The following DNAI2 variants were observed in gnomAD, a reference collection of about 807,000 sequenced individuals.
The protein encoded by DNAI2 is dynein, axonemal, intermediate polypeptide 2.
In DNAI2, 63 loss-of-function variants were observed where a neutral mutation model predicts 74.7. The observed-to-expected ratio is 0.84, with a 90% CI of 0.69 to 1.04. The LOEUF (loss-of-function observed/expected upper bound fraction) is 1.04. DNAI2 is among the 50% of genes least tolerant of loss of function. The pLI, the probability that DNAI2 is intolerant of heterozygous loss-of-function variation, is 0.00. For missense variants in DNAI2, 688 were observed against 803.2 expected (o/e 0.86, Z 1.73); for synonymous variants, 289 against 314.9 (o/e 0.92, Z 0.87).
Position 74,291,736 on chromosome 17 carries a change from A to G in DNAI2, c.724+603A>G, listed in dbSNP as rs892991453. ...TAGGGGCCGCCATAAAGGGATGATGAGAGCGTTGGGGAGCCCTATTTTGGG... is the reference window on the plus strand; with the variant it reads ...TAGGGGCCGCCATAAAGGGATGATGGGAGCGTTGGGGAGCCCTATTTTGGG... On this transcript the variant is annotated intron_variant, in intron 6 of 13. Transcript: ENST00000311014. 2.0e-5 allele frequency among the ~76,000 whole-genome samples: 3 copies of G among 152,348 alleles called. No homozygotes were observed. In the South Asian group the frequency reaches 6.2e-4, roughly 32 times the overall value.
rs750750518 is a variant in DNAI2, at chr17:74,301,072, G to A, written c.891G>A (p.Met297Ile). ...TCATGTGGTGGGACATCCGAAAGAT[G>A]AGCGAGCCCACTGAAGTTGTGATCT... ...GQVMWWDIRK[M>I]SEPTEVVILD... The change falls in exon 8 of 14, where the codon ATG becomes ATA. Residue 297 changes from methionine to isoleucine, a missense_variant. Met to Ile is a conservative substitution (Grantham distance 10). Transcript: ENST00000311014. The A allele has an allele frequency of 2.8e-5, 45 of 1,614,052 alleles. No homozygotes were observed. The Middle Eastern group carries it at 2.0e-3, about 71-fold the overall frequency.
At chr17:74,297,518 G>C (rs1177062346) in intron 6 of DNAI2, among the ~76,000 whole-genome samples, 1 of 151,312 alleles carries the variant, frequency 6.6e-6, no homozygotes, top group Non-Finnish European at 1.5e-5. Flanking sequence ...AGCCTCCCCA[G>C]AGGCTGGTGC....
intron 3 of DNAI2, among the ~76,000 whole-genome samples, 190 bp downstream of exon 3, chr17:74,285,391 G>A (rs1032949774): frequency 1.3e-5 from 2 of 152,134 alleles, no homozygotes; most frequent in African/African-American, 4.8e-5. Context: ...CAGACCAACA[G>A]GGAAGGCAGG....
intron 8 of DNAI2, among the ~76,000 whole-genome samples, chr17:74,302,574 A>G (rs920150588): frequency 2.6e-5 from 4 of 152,312 alleles, no homozygotes; most frequent in Non-Finnish European, 5.9e-5. Context: ...TCTCAAAAAA[A>G]AAACAAAGAA....
chr17:74,279,360 A>G (rs758405055), intron 1 of DNAI2, among the ~76,000 whole-genome samples: 1 of 152,178 alleles, frequency 6.6e-6, no homozygotes, highest in Non-Finnish European at 1.5e-5. Flanking sequence ...ACAAAGGATA[A>G]ATGCTTGAGG....
intron 11 of DNAI2, 148 bp downstream of exon 11, chr17:74,310,311 A>G: frequency 8.1e-7 from 1 of 1,231,144 alleles, no homozygotes; most frequent in Non-Finnish European, 1.1e-6. Flanking sequence ...TGGGCTCCAT[A>G]AATAGGTGTT....
At chr17:74,307,311 T>C in intron 9 of DNAI2, 1 of 456,196 alleles carries the variant, frequency 2.2e-6, no homozygotes, top group Non-Finnish European at 4.4e-6. Flanking sequence ...ACCTGTGTCG[T>C]AGAACCTGGG....
chr17:74,289,346 G>A (rs2051939971), intron 4 of DNAI2, among the ~76,000 whole-genome samples: 1 of 152,292 alleles, frequency 6.6e-6, no homozygotes, highest in Non-Finnish European at 1.5e-5. Flanking sequence ...AGGAAACATG[G>A]TAAAAACCTG....
At chr17:74,286,843 C>A in intron 3 of DNAI2, 134 bp from the exon 4 acceptor site, 1 of 1,144,342 alleles carries the variant, frequency 8.7e-7, no homozygotes, top group Non-Finnish European at 1.3e-6. Context: ...AAAATTCCTC[C>A]ATTGAAAGCA....
intron 9 of DNAI2, 125 bp downstream of exon 9, chr17:74,305,567 C>G (rs895202009): frequency 7.4e-6 from 6 of 807,622 alleles, no homozygotes; most frequent in Non-Finnish European, 1.2e-5. Flanking sequence ...TCCACAAACA[C>G]CCGAGCTCGT....
intron 5 of DNAI2, among the ~76,000 whole-genome samples, chr17:74,290,313 C>T (rs1217422203): frequency 1.3e-5 from 2 of 152,166 alleles, no homozygotes; most frequent in East Asian, 3.9e-4. Flanking sequence ...GAGACTCTAT[C>T]TCAACAGCAA....
At chr17:74,275,762 C>A (rs1454865643) in intron 1 of DNAI2, among the ~76,000 whole-genome samples, 1 of 151,924 alleles carries the variant, frequency 6.6e-6, no homozygotes, top group Non-Finnish European at 1.5e-5. Context: ...TGGTGGCATG[C>A]ACCAGTAGTC....
In DNAI2 at chr17:74,301,106, A is replaced by C. The variant is rs1429832421; in HGVS notation, c.925A>C (p.Thr309Pro). The C allele has an allele frequency of 6.2e-7, 1 of 1,614,064 alleles. No individual in the cohort carries two copies. Among genetic ancestry groups the C allele is most frequent in the Non-Finnish European group, 8.5e-7 (1 of 1,179,998 alleles). ...CACTGAAGTTGTGATCTTGGACATC[A>C]CCAAGAAGGAACAGTTGGAAAATGC... ...EPTEVVILDI[T>P]KKEQLENALG... is the part of the protein sequence containing the mutation. The change falls in exon 8 of 14, where the codon ACC (threonine) becomes CCC (proline). Residue 309 changes from threonine to proline, a missense_variant. Thr to Pro is a conservative substitution (Grantham distance 38, BLOSUM62 -1). Coordinates refer to ENST00000311014, the MANE Select transcript of DNAI2 (RefSeq NM_023036.6).
At chr17:74,309,209 G>C (rs1313097415) in intron 9 of DNAI2, 44 bp from the exon 10 acceptor site, 1 of 1,612,370 alleles carries the variant, frequency 6.2e-7, no homozygotes, top group Non-Finnish European at 8.5e-7. Context: ...CTGTGGCTCA[G>C]AAGCCTCTGT....
intron 6 of DNAI2, among the ~76,000 whole-genome samples, chr17:74,294,453 G>T (rs2052316942): frequency 6.6e-6 from 1 of 151,982 alleles, no homozygotes; most frequent in Non-Finnish European, 1.5e-5. Flanking sequence ...GGGACAACAG[G>T]TGCACGTCAC....
At position 74,299,731 on chromosome 17, in the gene DNAI2, C is replaced by A. The variant is rs954506062; in HGVS notation, c.738C>A (p.Thr246=). 6.2e-7 allele frequency: 1 copy of A among 1,613,554 alleles called. No individual in the cohort carries two copies. The highest frequency in any genetic ancestry group is 8.5e-7 in the Non-Finnish European group (1 of 1,180,030). The change falls in exon 7 of 14, where the codon ACC becomes ACA. Residue 246 remains threonine, a synonymous_variant. Coordinates refer to ENST00000311014, the MANE Select transcript of DNAI2 (RefSeq NM_023036.6). ...CTTCCTCACCAGCCTGCTGGGACAC[C>A]CGAAAGGGCAGCCTGGTGGCGGAGC... The part of the protein sequence containing the change: ...CYNGQIACWD[T]RKGSLVAELS...
chr17:74,309,382 C>G lies in DNAI2; in HGVS notation c.1341C>G (p.Ser447Arg). The G allele has an allele frequency of 6.2e-7, 1 of 1,614,188 alleles. No homozygotes were observed. Among genetic ancestry groups the G allele is most frequent in the Non-Finnish European group, 8.5e-7 (1 of 1,180,042 alleles). Reference protein sequence around the residue: ...FMFEQCDPTLSLKVCDEALFC... With the variant: ...FMFEQCDPTLRLKVCDEALFC... ...TCGAGCAGTGCGATCCCACCCTCAG[C>G]TTGAAGGTCACGCGCATGTCCCTCC... Residue 447 changes from serine (S) to arginine (R), a missense_variant, in exon 10 of 14, where the codon AGC becomes AGG. Coordinates refer to ENST00000311014, the MANE Select transcript of DNAI2 (RefSeq NM_023036.6).
At chr17:74,292,476 G>A (rs2052176590) in intron 6 of DNAI2, among the ~76,000 whole-genome samples, 1 of 146,004 alleles carries the variant, frequency 6.8e-6, no homozygotes, top group South Asian at 2.1e-4. Flanking sequence ...GAGTGCAGTG[G>A]TGTAATCACT....
chr17:74,281,937 G>T lies in DNAI2; in HGVS notation c.120G>T (p.Gln40His), dbSNP rs1274866190. 10 of 1,614,206 alleles carry T rather than the reference G, an allele frequency of 6.2e-6. No homozygotes were observed. Among genetic ancestry groups the T allele is most frequent in the Non-Finnish European group, 7.6e-6 (9 of 1,180,044 alleles). Residue 40 changes from glutamine (Q) to histidine (H), a missense_variant, in exon 2 of 14, where the codon CAG becomes CAT. Physicochemically the swap from Gln to His is conservative, Grantham distance 24. Transcript: ENST00000311014. ...TGCCCAACCCTGAGCTGGCCGAGCAGTTCGTGGAGCGGAACCCAGTGGACA... is the reference window on the plus strand; with the variant it reads ...TGCCCAACCCTGAGCTGGCCGAGCATTTCGTGGAGCGGAACCCAGTGGACA... ...DIMPNPELAE[Q>H]FVERNPVDTG...
Sources: allele counts gnomAD v4.1 joint callset (sites outside exome capture counted in the v4.1 genomes callset), GRCh38; gene constraint gnomAD v4.1.1; transcripts MANE v1.5; gene names NCBI Gene and HGNC (gene_info 2026-07-23, HGNC 2026-07-21).